The following ASTN2 variants were observed in gnomAD, a reference collection of about 807,000 sequenced individuals.
ASTN2 encodes astrotactin-2.
In ASTN2, 54 loss-of-function variants were observed where a neutral mutation model predicts 139.8. That is an observed-to-expected ratio of 0.39 (90% CI 0.31 to 0.48). The LOEUF (loss-of-function observed/expected upper bound fraction) is 0.48, where lower values mean the gene tolerates loss of function less well. Ranked by LOEUF, ASTN2 falls within the 20% of genes least tolerant of loss-of-function variation. ASTN2 has a pLI of 0.95. For missense variants in ASTN2, 1,565 were observed against 1,725.1 expected (o/e 0.91, Z 1.64); for synonymous variants, 756 against 719.5 (o/e 1.05, Z -0.81).
intron 19 of ASTN2, chr9:116,551,230 T>C (rs974443642): frequency 6.6e-6 from 1 of 152,238 alleles, no homozygotes; most frequent in African/African-American, 2.4e-5. Context: ...CCCTGATGAT[T>C]CTGATATAAA....
chr9:116,651,522 G>T lies in ASTN2; in HGVS notation c.3072+6C>A, dbSNP rs1163637863. On this transcript the variant is annotated splice_donor_region_variant and intron_variant, in intron 17 of 22. Coordinates refer to ENST00000313400, the MANE Select transcript of ASTN2 (RefSeq NM_001365068.1). ...TTGACTGAGTGGCTGGGCCAGGGGAGCTCACCTCCTTTGTGCCATTGTCTT... is the reference window on the plus strand; with the variant it reads ...TTGACTGAGTGGCTGGGCCAGGGGATCTCACCTCCTTTGTGCCATTGTCTT... 6.2e-7 allele frequency: 1 copy of T among 1,611,706 alleles called. No individual in the cohort carries two copies. Among genetic ancestry groups the T allele is most frequent in the Non-Finnish European group, 8.5e-7 (1 of 1,178,170 alleles).
intron 17 of ASTN2, among the ~76,000 whole-genome samples, chr9:116,627,806 G>A (rs138345961): frequency 3.6e-4 from 55 of 152,112 alleles, no homozygotes; most frequent in African/African-American, 1.3e-3. Flanking sequence ...TATTTATTGA[G>A]TACTTACTAC....
intron 16 of ASTN2, among the ~76,000 whole-genome samples, chr9:116,725,229 T>C (rs974183628): frequency 6.6e-6 from 1 of 152,050 alleles, no homozygotes; most frequent in Non-Finnish European, 1.5e-5. Context: ...ATTCTGATAA[T>C]AGCTGAGAGT....
chr9:117,021,108 A>C (rs760168996), intron 6 of ASTN2, among the ~76,000 whole-genome samples: 17 of 152,004 alleles, frequency 1.1e-4, no homozygotes, highest in Non-Finnish European at 1.8e-4. Flanking sequence ...AGGTATTCCT[A>C]TGTTGCCCAG....
chr9:117,172,514 A>G (rs1211443925), intron 3 of ASTN2, among the ~76,000 whole-genome samples: 1 of 152,040 alleles, frequency 6.6e-6, no homozygotes, highest in Non-Finnish European at 1.5e-5. Context: ...ATTAGCTATG[A>G]CTATTAATCT....
intron 6 of ASTN2, among the ~76,000 whole-genome samples, chr9:117,019,481 T>C (rs914438094): frequency 6.6e-6 from 1 of 152,084 alleles, no homozygotes; most frequent in South Asian, 2.1e-4. Flanking sequence ...CCTGGGGCAA[T>C]GTAATAACAG....
At chr9:117,410,411 G>A (rs1242653854) in intron 1 of ASTN2, among the ~76,000 whole-genome samples, 2 of 152,110 alleles carry the variant, frequency 1.3e-5, no homozygotes. Context: ...CATGTTACCA[G>A]TAAAGGAAAA....
At chr9:116,620,677 T>C (rs919737993) in intron 17 of ASTN2, among the ~76,000 whole-genome samples, 2 of 152,272 alleles carry the variant, frequency 1.3e-5, no homozygotes, top group Non-Finnish European at 2.9e-5. Flanking sequence ...ACTATATCCA[T>C]TGATAGTGTC....
intron 12 of ASTN2, among the ~76,000 whole-genome samples, chr9:116,818,360 T>C (rs555259310): frequency 1.7e-4 from 26 of 152,362 alleles, no homozygotes; most frequent in African/African-American, 6.3e-4. Flanking sequence ...ACCATCTCTC[T>C]CACAAGTATC....
intron 1 of ASTN2, among the ~76,000 whole-genome samples, chr9:117,293,425 CA>C (rs1364659575): frequency 5.7e-5 from 8 of 139,132 alleles, no homozygotes; most frequent in Non-Finnish European, 1.1e-4. Context: ...AAGTAAAAGA[CA>C]AAGTGGTGAG....
intron 2 of ASTN2, among the ~76,000 whole-genome samples, chr9:117,289,006 C>T (rs1834518039): frequency 6.6e-6 from 1 of 152,192 alleles, no homozygotes; most frequent in South Asian, 2.1e-4. Flanking sequence ...AGACAAAGGG[C>T]TCATACCCGA....
At chr9:116,642,132 C>CAAAAAAAAAAAA (rs1252642911) in intron 17 of ASTN2, among the ~76,000 whole-genome samples, 8 of 48,936 alleles carry the variant, frequency 1.6e-4, no homozygotes, top group Admixed American at 3.2e-4. Flanking sequence ...TCCCAACCCA[C>CAAAAAAAAAAAA]AAAAAAAAAA....
In ASTN2 at chr9:117,196,961, C is replaced by G. The variant is rs140328406; in HGVS notation, c.1015+17397G>C. Among the ~76,000 whole-genome samples, 1,287 of 152,238 alleles carry G rather than the reference C, an allele frequency of 8.5e-3. 24 individuals carry two copies. Among genetic ancestry groups the G allele is most frequent in the African/African-American group, 0.03 (1,229 of 41,544 alleles). ...AATGGATATGCCAGCATTTATCAAA[C>G]TTTCAAATGCATGTGCCTTCTGATG... On this transcript the variant is annotated intron_variant, in intron 3 of 22. Coordinates refer to ENST00000313400, the MANE Select transcript of ASTN2 (RefSeq NM_001365068.1).
At chr9:116,993,973 T>C (rs1013611461) in intron 7 of ASTN2, among the ~76,000 whole-genome samples, 12 of 151,348 alleles carry the variant, frequency 7.9e-5, no homozygotes, top group African/African-American at 2.2e-4. Flanking sequence ...TTGTTTTGTT[T>C]TGTTTTCTTT....
intron 7 of ASTN2, among the ~76,000 whole-genome samples, chr9:116,986,689 G>C (rs13302569): frequency 0.044 from 6,682 of 152,228 alleles, 236 homozygotes; most frequent in Non-Finnish European, 0.068. Flanking sequence ...TCTTGCAGAC[G>C]AGCAGACAGA....
intron 3 of ASTN2, among the ~76,000 whole-genome samples, chr9:117,162,000 G>A (rs1014453794): frequency 2.0e-5 from 3 of 151,956 alleles, no homozygotes; most frequent in African/African-American, 7.2e-5. Context: ...GACTCAAAGA[G>A]AGTGCATAAT....
chr9:116,882,511 C>G (rs1239105434), intron 10 of ASTN2, among the ~76,000 whole-genome samples: 1 of 152,028 alleles, frequency 6.6e-6, no homozygotes, highest in East Asian at 1.9e-4. Context: ...GGGTCATGGA[C>G]TGAGAACAGT....
intron 11 of ASTN2, among the ~76,000 whole-genome samples, chr9:116,848,649 G>A (rs761908764): frequency 8.5e-5 from 13 of 152,152 alleles, no homozygotes; most frequent in Non-Finnish European, 2.9e-5. Context: ...GTAAGGTAGT[G>A]TGACATAGGA....
chr9:117,160,214 C>T (rs891492653), intron 3 of ASTN2, among the ~76,000 whole-genome samples: 2 of 151,924 alleles, frequency 1.3e-5, no homozygotes, highest in African/African-American at 4.8e-5. Flanking sequence ...AAATAACATA[C>T]CTATAAAATG....
Sources: allele counts gnomAD v4.1 joint callset (sites outside exome capture counted in the v4.1 genomes callset), GRCh38; gene constraint gnomAD v4.1.1; transcripts MANE v1.5; gene names NCBI Gene and HGNC (gene_info 2026-07-23, HGNC 2026-07-21).